Variants in CXADR observed in about 807,000 individuals in gnomAD.
CXADR encodes coxsackievirus and adenovirus receptor.
In CXADR, 20 loss-of-function variants were observed where a neutral mutation model predicts 40.3. The observed-to-expected ratio is 0.50, with a 90% CI of 0.35 to 0.72. CXADR has a LOEUF of 0.72. CXADR is among the 30% of genes least tolerant of loss of function. The probability of loss-of-function intolerance (pLI) is 0.01; values close to 1 mark genes in which losing one functional copy is unlikely to be tolerated. For synonymous variants in CXADR, 150 were observed against 161.3 expected (o/e 0.93, Z 0.53); for missense variants, 332 against 449.1 (o/e 0.74, Z 2.36).
intron 1 of CXADR, among the ~76,000 whole-genome samples, chr21:17,524,869 A>ACC (rs747142924): frequency 1.3e-5 from 2 of 152,102 alleles, no homozygotes; most frequent in Admixed American, 6.5e-5. Context: ...TGATTGCACC[A>ACC]CCGCACTCCA....
intron 6 of CXADR, 115 bp downstream of exon 6, chr21:17,561,591 C>A: frequency 2.5e-6 from 2 of 816,250 alleles, no homozygotes; most frequent in Non-Finnish European, 3.7e-6. Context: ...TGGGTAAAAG[C>A]TCTGGCCGCC....
chr21:17,553,962 T>G (rs1871718875), intron 3 of CXADR, among the ~76,000 whole-genome samples: 2 of 152,232 alleles, frequency 1.3e-5, no homozygotes, highest in South Asian at 4.1e-4. Flanking sequence ...CCTGAGATTA[T>G]AACCCTGACT....
chr21:17,563,629 G>C (rs1384324582), intron 6 of CXADR, among the ~76,000 whole-genome samples: 1 of 152,034 alleles, frequency 6.6e-6, no homozygotes, highest in Non-Finnish European at 1.5e-5. Flanking sequence ...GACATGAAGT[G>C]AGCACATGCT....
chr21:17,582,192 A>G (rs1250717597), intron 7 of CXADR, among the ~76,000 whole-genome samples: 1 of 152,116 alleles, frequency 6.6e-6, no homozygotes, highest in Non-Finnish European at 1.5e-5. Flanking sequence ...TTGTATTTTT[A>G]GCAGAGACAA....
chr21:17,552,063 A>G (rs926806352), intron 3 of CXADR, 110 bp downstream of exon 3: 4 of 784,636 alleles, frequency 5.1e-6, no homozygotes, highest in Non-Finnish European at 8.2e-6. Context: ...TAGAATAACA[A>G]TTTTAAACAC....
chr21:17,579,586 T>C (rs2061346176), intron 7 of CXADR, among the ~76,000 whole-genome samples: 1 of 152,130 alleles, frequency 6.6e-6, no homozygotes, highest in Admixed American at 6.5e-5. Flanking sequence ...GCCCCGCCGG[T>C]CTCACTTTTC....
Position 17,558,995 on chromosome 21 carries a change from A to G in CXADR, c.435A>G (p.Arg145=). The G allele has an allele frequency of 6.2e-7, 1 of 1,612,718 alleles. No homozygotes were observed. The highest frequency in any genetic ancestry group is 8.5e-7 in the Non-Finnish European group (1 of 1,179,484). The part of the protein sequence containing the change: ...LVVLVKPSGA[R]CYVDGSEEIG... ...TTTCAGTTAAGCCTTCAGGTGCGAG[A>G]TGTTACGTTGATGGATCTGAAGAAA... Residue 145 remains arginine (R), a synonymous_variant, in exon 4 of 7, where the codon AGA becomes AGG. Coordinates refer to ENST00000284878, the MANE Select transcript of CXADR (RefSeq NM_001338.5).
At chr21:17,587,142 T>C (rs1401884947) in intron 7 of CXADR, among the ~76,000 whole-genome samples, 1 of 152,226 alleles carries the variant, frequency 6.6e-6, no homozygotes, top group African/African-American at 2.4e-5. Flanking sequence ...CTATCATTGT[T>C]GGACATGTGG....
the CXADR span, among the ~76,000 whole-genome samples, chr21:17,630,409 G>A: frequency 1.6e-3 from 249 of 152,144 alleles, 2 homozygotes; most frequent in Non-Finnish European, 2.1e-3. Flanking sequence ...ACTTCAAGAT[G>A]CATCCCTAAA....
At chr21:17,609,640 A>G in the CXADR span, among the ~76,000 whole-genome samples, 1 of 152,264 alleles carries the variant, frequency 6.6e-6, no homozygotes, top group Admixed American at 6.5e-5. Flanking sequence ...CAGAGTTATC[A>G]TATGACACGG....
At chr21:17,633,768 C>T in the CXADR span, among the ~76,000 whole-genome samples, 1 of 152,170 alleles carries the variant, frequency 6.6e-6, no homozygotes, top group Non-Finnish European at 1.5e-5. Context: ...TGAGCCAATT[C>T]ATCTCCCCTA....
At chr21:17,544,240 AATAG>A (rs2060865782) in intron 1 of CXADR, among the ~76,000 whole-genome samples, 2 of 152,238 alleles carry the variant, frequency 1.3e-5, no homozygotes, top group African/African-American at 4.8e-5. Context: ...TATTAGAAAT[AATAG>A]AGTGTATTTA....
chr21:17,607,725 A>G, the CXADR span, among the ~76,000 whole-genome samples: 1 of 152,224 alleles, frequency 6.6e-6, no homozygotes, highest in Admixed American at 6.5e-5. Flanking sequence ...GGACATCAAT[A>G]TACACAAATA....
At chr21:17,584,812 A>G (rs918614889) in intron 7 of CXADR, among the ~76,000 whole-genome samples, 3 of 152,230 alleles carry the variant, frequency 2.0e-5, no homozygotes, top group African/African-American at 7.2e-5. Context: ...CCACAGAGAG[A>G]GACTCCGTCT....
At chr21:17,578,317 T>C (rs2061336157) in intron 7 of CXADR, among the ~76,000 whole-genome samples, 1 of 152,260 alleles carries the variant, frequency 6.6e-6, no homozygotes, top group Admixed American at 6.5e-5. Flanking sequence ...GTTTGTTTAA[T>C]AGCTAAACTG....
At chr21:17,559,691 T>TTTTTTTTTTTTTTTTTTTC (rs67471532) in intron 4 of CXADR, among the ~76,000 whole-genome samples, 1 of 128,432 alleles carries the variant, frequency 7.8e-6, no homozygotes, top group African/African-American at 2.8e-5. Context: ...TTTTTTTTTT[T>TTTTTTTTTTTTTTTTTTTC]CCGAGACAAG....
chr21:17,537,278 A>AT (rs1192132030), intron 1 of CXADR, among the ~76,000 whole-genome samples: 6 of 152,048 alleles, frequency 3.9e-5, no homozygotes, highest in East Asian at 1.9e-4. Flanking sequence ...TTTGTTGTCA[A>AT]TTTTTTTCAC....
intron 7 of CXADR, among the ~76,000 whole-genome samples, chr21:17,590,541 T>C (rs1237274779): frequency 6.6e-6 from 1 of 152,064 alleles, no homozygotes; most frequent in Non-Finnish European, 1.5e-5. Flanking sequence ...TCCCTTGTGC[T>C]CATGAGTGCT....
exon 8 of CXADR, chr21:17,593,348 A>C: frequency 1.5e-6 from 1 of 646,460 alleles, no homozygotes; most frequent in Non-Finnish European, 2.2e-6. Flanking sequence ...TAGACATGTA[A>C]GTCAGATGTC....
Sources: allele counts gnomAD v4.1 joint callset (sites outside exome capture counted in the v4.1 genomes callset), GRCh38; gene constraint gnomAD v4.1.1; transcripts MANE v1.5; gene names NCBI Gene and HGNC (gene_info 2026-07-23, HGNC 2026-07-21).